The following NDST4 variants were observed in gnomAD, a reference collection of about 807,000 sequenced individuals.
NDST4 encodes N-heparan sulfate sulfotransferase 4.
Under a neutral mutation model 100.8 loss-of-function variants are expected in NDST4, and 63 were observed. That is an observed-to-expected ratio of 0.62 (90% CI 0.51 to 0.77). The LOEUF (loss-of-function observed/expected upper bound fraction) is 0.77, where lower values mean the gene tolerates loss of function less well. Among genes scored for constraint, NDST4 ranks in the 30% least tolerant of loss-of-function variants. NDST4 has a pLI of 0.00. For synonymous variants in NDST4, 377 were observed against 361.8 expected (o/e 1.04, Z -0.48); for missense variants, 943 against 1,018.4 (o/e 0.93, Z 1.01).
intron 9 of NDST4, among the ~76,000 whole-genome samples, chr4:114,846,838 T>C (rs2126186498): frequency 6.6e-6 from 1 of 152,268 alleles, no homozygotes; most frequent in South Asian, 2.1e-4. Flanking sequence ...AGCGGAGTGG[T>C]GAAGAGTCTC....
chr4:114,919,041 C>T (rs1725235772), intron 6 of NDST4, among the ~76,000 whole-genome samples: 1 of 152,012 alleles, frequency 6.6e-6, no homozygotes. Flanking sequence ...TCTGTGTATG[C>T]CAAAACAAAC....
intron 1 of NDST4, among the ~76,000 whole-genome samples, chr4:115,088,233 C>A (rs374551525): frequency 6.6e-6 from 1 of 151,846 alleles, no homozygotes; most frequent in Non-Finnish European, 1.5e-5. Context: ...CTGACTCCCT[C>A]CCACTAATGT....
chr4:115,095,006 AT>A (rs1408918291), intron 1 of NDST4, among the ~76,000 whole-genome samples: 4 of 152,240 alleles, frequency 2.6e-5, no homozygotes, highest in Admixed American at 2.6e-4. Context: ...AGTTAGTTGA[AT>A]TTTTAAAAAT....
intron 1 of NDST4, among the ~76,000 whole-genome samples, chr4:115,101,148 T>G (rs1729721522): frequency 6.6e-6 from 1 of 152,082 alleles, no homozygotes; most frequent in South Asian, 2.1e-4. Flanking sequence ...ACACTATCTC[T>G]ACTCTTCAAA....
chr4:114,971,377 A>C (rs1440574820), intron 3 of NDST4, among the ~76,000 whole-genome samples: 1 of 152,070 alleles, frequency 6.6e-6, no homozygotes, highest in Non-Finnish European at 1.5e-5. Context: ...AAAACAAAAA[A>C]CATTGTTATG....
chr4:114,873,632 A>G (rs1398980931), intron 6 of NDST4, among the ~76,000 whole-genome samples: 2 of 152,038 alleles, frequency 1.3e-5, no homozygotes, highest in African/African-American at 2.4e-5. Flanking sequence ...GTAACATAGC[A>G]TGGTATCAGT....
intron 6 of NDST4, among the ~76,000 whole-genome samples, chr4:114,927,352 T>A (rs1424615380): frequency 6.6e-6 from 1 of 151,982 alleles, no homozygotes; most frequent in East Asian, 1.9e-4. Flanking sequence ...GATTTCGCAT[T>A]TCTACAAAAT....
intron 3 of NDST4, among the ~76,000 whole-genome samples, chr4:114,976,651 C>T (rs1726639740): frequency 6.6e-6 from 1 of 151,726 alleles, no homozygotes; most frequent in Admixed American, 6.6e-5. Context: ...TGGTTTTAGT[C>T]TATGTTAGGC....
intron 4 of NDST4, among the ~76,000 whole-genome samples, chr4:114,940,471 G>A (rs148853918): frequency 1.1e-4 from 17 of 152,292 alleles, no homozygotes; most frequent in African/African-American, 3.9e-4. Context: ...AAATGGGATG[G>A]TTCCCTTGGG....
At chr4:114,986,825 TATA>T (rs1560845444) in intron 2 of NDST4, among the ~76,000 whole-genome samples, 2 of 120,338 alleles carry the variant, frequency 1.7e-5, no homozygotes, top group Non-Finnish European at 3.5e-5. Flanking sequence ...TATATATATA[TATA>T]TATATTTTAA....
intron 11 of NDST4, among the ~76,000 whole-genome samples, chr4:114,838,929 C>A (rs1022364691): frequency 6.6e-6 from 1 of 151,972 alleles, no homozygotes; most frequent in Non-Finnish European, 1.5e-5. Context: ...CAGCCTAGTG[C>A]ATGACCTTCT....
At chr4:114,984,519 A>G (rs1296213906) in intron 2 of NDST4, among the ~76,000 whole-genome samples, 1 of 152,164 alleles carries the variant, frequency 6.6e-6, no homozygotes, top group Non-Finnish European at 1.5e-5. Flanking sequence ...TCAGAGTGAT[A>G]GTGTTTGTTT....
At chr4:115,032,013 C>T (rs1728126462) in intron 2 of NDST4, among the ~76,000 whole-genome samples, 1 of 152,098 alleles carries the variant, frequency 6.6e-6, no homozygotes, top group African/African-American at 2.4e-5. Flanking sequence ...TCAAGACCCA[C>T]CGCCCCCTCC....
At chr4:114,843,112 T>A in intron 10 of NDST4, among the ~76,000 whole-genome samples, 1 of 152,214 alleles carries the variant, frequency 6.6e-6, no homozygotes, top group East Asian at 1.9e-4. Context: ...ATGATTTAAT[T>A]AAAAAGTTTG....
rs146914576 is a variant in NDST4 at position 114,970,462 on chromosome 4, C to G, written c.1189G>C (p.Glu397Gln). The G allele has an allele frequency of 1.1e-3, 1,811 of 1,613,944 alleles. 19 individuals are homozygous for G. The African/African-American group carries it at 0.019, about 17-fold the overall frequency. Residue 397 changes from glutamate to glutamine, a missense_variant, in exon 4 of 14, where the codon GAG becomes CAG. Glu to Gln is a conservative substitution (Grantham distance 29). Coordinates refer to ENST00000264363, the MANE Select transcript of NDST4 (RefSeq NM_022569.3). ...HLFHNESSLV[E>Q]QMILNKEFAL... Reference sequence around the variant, plus strand: ...AATTCCTTGTTGAGAATCATCTGCTCTACTAAAGATGACTCGTTGTGGAAG... The same window carrying G: ...AATTCCTTGTTGAGAATCATCTGCTGTACTAAAGATGACTCGTTGTGGAAG...
intron 7 of NDST4, among the ~76,000 whole-genome samples, chr4:114,854,953 T>C (rs1723761460): frequency 6.6e-6 from 1 of 152,206 alleles, no homozygotes; most frequent in African/African-American, 2.4e-5. Flanking sequence ...TTATTACTTG[T>C]CTTTTGGACA....
At chr4:115,051,264 A>T (rs922151844) in intron 2 of NDST4, among the ~76,000 whole-genome samples, 1 of 152,150 alleles carries the variant, frequency 6.6e-6, no homozygotes, top group Non-Finnish European at 1.5e-5. Flanking sequence ...CATATAAAGG[A>T]TAAACATCTG....
chr4:114,935,436 AT>A, intron 5 of NDST4, 102 bp from the exon 6 acceptor site: 1 of 1,185,454 alleles, frequency 8.4e-7, no homozygotes, highest in Non-Finnish European at 1.1e-6. Context: ...TTCCTATTGG[AT>A]TTTCTTGGTT....
intron 2 of NDST4, among the ~76,000 whole-genome samples, chr4:115,037,258 T>A (rs754955667): frequency 6.6e-6 from 1 of 152,058 alleles, no homozygotes; most frequent in Non-Finnish European, 1.5e-5. Flanking sequence ...AAAACAGAGT[T>A]AAAGCAAGAC....
Sources: gnomAD v4.1 joint callset for allele counts (sites outside exome capture counted in the v4.1 genomes callset) on GRCh38, gnomAD v4.1.1 for gene constraint, MANE v1.5 for transcripts, NCBI Gene and HGNC (gene_info 2026-07-23, HGNC 2026-07-21) for gene names.